SBF1: variants seen among roughly 807,000 people sequenced by gnomAD.
The protein encoded by SBF1 is myotubularin-related protein 5.
In SBF1, 65 loss-of-function variants were observed where a neutral mutation model predicts 215.8. The observed-to-expected ratio is 0.30, with a 90% CI of 0.25 to 0.37. The LOEUF (loss-of-function observed/expected upper bound fraction) is 0.37. Among genes scored for constraint, SBF1 ranks in the 10% least tolerant of loss-of-function variants. The pLI is 1.00. For missense variants in SBF1, 2,634 were observed against 2,667.8 expected, an observed-to-expected ratio of 0.99 and a Z score of 0.28; for synonymous variants, 1,410 against 1,122.8, an observed-to-expected ratio of 1.26 and a Z score of -5.11.
chr22:50,456,465 A>ACCCCCCCCCCC, intron 30 of SBF1, 27 bp downstream of exon 30: 3 of 748,636 alleles, frequency 4.0e-6, no homozygotes, highest in Non-Finnish European at 5.5e-6. Flanking sequence ...CCCCACCCTC[A>ACCCCCCCCCCC]CCCCCCACCC....
chr22:50,463,883 G>A (rs1603433370), intron 15 of SBF1, among the ~76,000 whole-genome samples: 1 of 152,218 alleles, frequency 6.6e-6, no homozygotes, highest in Admixed American at 6.5e-5. Context: ...TGGCCATGAT[G>A]AAAGACCCCA....
chr22:50,455,943 T>C lies in SBF1; in HGVS notation c.4266+273A>G, dbSNP rs8140014. On this transcript the variant is annotated intron_variant, in intron 31 of 40. Transcript: ENST00000380817. ...CAGGGGCCCAGAACCATAAACTGCA[T>C]CCCCCGTGTGGTCATCAGCCCACGT... The C allele has an allele frequency of 8.1e-3, 4,431 of 548,010 alleles. 59 individuals carry two copies. The highest frequency in any genetic ancestry group is 0.025 in the African/African-American group (1,278 of 51,596). The allele number at this position is 548,010 out of a possible 1,614,324, so 33.9% of individuals were successfully genotyped here.
chr22:50,455,633 T>G (rs746004469), intron 31 of SBF1, 51 bp from the exon 32 acceptor site: 1 of 1,476,078 alleles, frequency 6.8e-7, no homozygotes, highest in South Asian at 1.2e-5. Context: ...CCCTCCCGCC[T>G]GGCCACTCAC....
chr22:50,456,860 G>C (rs2067273706), intron 29 of SBF1, among the ~76,000 whole-genome samples, 174 bp downstream of exon 29: 1 of 152,170 alleles, frequency 6.6e-6, no homozygotes. Context: ...GGCAGCCAGT[G>C]TTAGTTTCTA....
chr22:50,464,631 C>A lies in SBF1; in HGVS notation c.1539G>T (p.Val513=). ...CTGCAGCCTGGTCCACGATCCACTGCACGGTGCCCTCATCCAGCCGGGGGA... is the reference window on the plus strand; with the variant it reads ...CTGCAGCCTGGTCCACGATCCACTGAACGGTGCCCTCATCCAGCCGGGGGA... ...RPFPRLDEGT[V]QWIVDQAAAK... The change falls in exon 14 of 41, where the codon GTG becomes GTT. Residue 513 remains valine (V), a synonymous_variant. Transcript: ENST00000380817. The A allele has an allele frequency of 6.2e-7, 1 of 1,610,578 alleles. No individual in the cohort carries two copies.
At chr22:50,457,136 T>C in intron 28 of SBF1, 25 bp from the exon 29 acceptor site, 2 of 1,456,154 alleles carry the variant, frequency 1.4e-6, no homozygotes, top group Non-Finnish European at 1.8e-6. Flanking sequence ...GAGAGAAGGC[T>C]CAGGCCTAGC....
In SBF1 at chr22:50,460,169, C is replaced by CCGGGCACA; in HGVS notation, c.3284-18_3284-11dup. Reference sequence around the variant, plus strand: ...TCCAGCTCCTCCGACACTGCACAGGCCGGGCACACGTGGTCATCACGGGGC... The same window carrying CCGGGCACA: ...TCCAGCTCCTCCGACACTGCACAGGCCGGGCACACGGGCACACGTGGTCATCACGGGGC... On this transcript the variant is annotated splice_polypyrimidine_tract_variant and intron_variant, in intron 25 of 40. Coordinates refer to ENST00000380817, the MANE Select transcript of SBF1 (RefSeq NM_002972.4). The CCGGGCACA allele has an allele frequency of 1.2e-6, 2 of 1,610,134 alleles. No individual in the cohort carries two copies. Among genetic ancestry groups the CCGGGCACA allele is most frequent in the Non-Finnish European group, 1.7e-6 (2 of 1,179,704 alleles).
chr22:50,465,317 C>A lies in SBF1; in HGVS notation c.1101G>T (p.Leu367=). ...TSSLKMQDKE[L]RAVFLRLFAQ... ...CGAACAGCCGCAGGAAGACCGCGCG[C>A]AGCTCCTTGTCCTGGGAGAAGAGCT... is the stretch of plus-strand genomic sequence containing the variant. The change falls in exon 11 of 41, where the codon CTG becomes CTT. Residue 367 remains leucine (L), a synonymous_variant. Coordinates refer to ENST00000380817, the MANE Select transcript of SBF1 (RefSeq NM_002972.4). 6.3e-7 allele frequency: 1 copy of A among 1,591,502 alleles called. No homozygotes were observed.
intron 5 of SBF1, chr22:50,466,996 G>C: frequency 1.8e-6 from 1 of 559,592 alleles, no homozygotes; most frequent in South Asian, 2.3e-5. Context: ...CCTCAACAGA[G>C]TCCAGCTGCA....
At chr22:50,459,432 T>C (rs773859885) in intron 27 of SBF1, 38 bp downstream of exon 27, 5 of 1,611,600 alleles carry the variant, frequency 3.1e-6, no homozygotes, top group East Asian at 4.5e-5. Flanking sequence ...GAGGGTGAGA[T>C]AGGGCAGGGC....
Position 50,466,202 on chromosome 22 carries a change from G to A in SBF1, c.845C>T (p.Thr282Met). The change falls in exon 8 of 41, where the codon ACG (threonine) becomes ATG (methionine). Residue 282 changes from threonine (T) to methionine (M), a missense_variant. By Grantham distance (81) the Thr-to-Met change is moderately conservative. Coordinates refer to ENST00000380817, the MANE Select transcript of SBF1 (RefSeq NM_002972.4). ...CGCGTTGACCCCAATGATGAAGGGCGTGGGTGTGCTGAGGACCTCCAGCAG... is the reference window on the plus strand; with the variant it reads ...CGCGTTGACCCCAATGATGAAGGGCATGGGTGTGCTGAGGACCTCCAGCAG... ...AQLLEVLSTP[T>M]PFIIGVNAAF... 6.2e-7 allele frequency: 1 copy of A among 1,613,478 alleles called. No homozygotes were observed. Among genetic ancestry groups the A allele is most frequent in the Non-Finnish European group, 8.5e-7 (1 of 1,180,046 alleles).
rs1290054221 is a variant in SBF1 at position 50,462,264 on chromosome 22, A to C, written c.2337T>G (p.Leu779=). The change falls in exon 19 of 41, where the codon CTT becomes CTG. Residue 779 remains leucine (L), a synonymous_variant. Transcript: ENST00000380817. Reference sequence around the variant, plus strand: ...GGTCGCCCAGCCCGGCACGCTCCCGAAGTAGGCGGCTCTTGCTGCTGTCCA... The same window carrying C: ...GGTCGCCCAGCCCGGCACGCTCCCGCAGTAGGCGGCTCTTGCTGCTGTCCA... ...LPLDSSKSRL[L]RERAGLGDLE... 2 of 1,611,446 alleles carry C rather than the reference A, an allele frequency of 1.2e-6. No homozygotes were observed. Among genetic ancestry groups the C allele is most frequent in the South Asian group, 1.1e-5 (1 of 91,082 alleles).
At chr22:50,449,592 G>A (rs2066963549) in intron 36 of SBF1, among the ~76,000 whole-genome samples, 1 of 150,950 alleles carries the variant, frequency 6.6e-6, no homozygotes, top group South Asian at 2.1e-4. Context: ...TCCAGCCTGG[G>A]CGGCAAAGTG....
At chr22:50,461,070 G>A in intron 23 of SBF1, 89 bp downstream of exon 23, 1 of 1,478,866 alleles carries the variant, frequency 6.8e-7, no homozygotes, top group Non-Finnish European at 9.0e-7. Context: ...CTGGAGACTG[G>A]CCTAAAAATG....
At chr22:50,456,012 C>T (rs557052794) in intron 31 of SBF1, 112 of 609,356 alleles carry the variant, frequency 1.8e-4, no homozygotes, top group Non-Finnish European at 2.9e-4. Context: ...CAAGCCCTGG[C>T]CACTCTCACT....
At position 50,474,966 on chromosome 22, in the gene SBF1, G is replaced by T; in HGVS notation, c.-126C>A. ...ACCCCGGACACCCCTGGTTCGCTCC[G>T]CGGCGGCGGCGGCGGCGGCGGCGGC... On this transcript the variant is annotated 5_prime_UTR_variant, in exon 1 of 41. Transcript: ENST00000380817. 5.4e-5 allele frequency: 1 copy of T among 18,682 alleles called. No individual in the cohort carries two copies. Among genetic ancestry groups the T allele is most frequent in the Non-Finnish European group, 7.9e-5 (1 of 12,608 alleles). The allele number at this position is 18,682 out of a possible 1,614,324, so 1.2% of individuals were successfully genotyped here. A position where few individuals can be genotyped will look rare whatever the true frequency, so the allele number is the denominator to read the frequency against.
chr22:50,469,680 G>A (rs528493604), intron 1 of SBF1, among the ~76,000 whole-genome samples: 9 of 152,330 alleles, frequency 5.9e-5, no homozygotes, highest in East Asian at 3.9e-4. Flanking sequence ...CCCACCTGGC[G>A]GAAGCAGCAG....
intron 23 of SBF1, 134 bp from the exon 24 acceptor site, chr22:50,460,846 C>T: frequency 2.0e-6 from 2 of 1,024,670 alleles, no homozygotes; most frequent in South Asian, 1.6e-5. Flanking sequence ...AGGCCTGTAT[C>T]TGTGTCACAC....
chr22:50,450,494 C>T (rs7284639), intron 36 of SBF1, among the ~76,000 whole-genome samples: 8,204 of 151,066 alleles, frequency 0.054, 737 homozygotes, highest in African/African-American at 0.19. Context: ...GCACTCCAGC[C>T]TGGGAGACAA....
Sources: gnomAD v4.1 joint callset for allele counts (sites outside exome capture counted in the v4.1 genomes callset) on GRCh38, gnomAD v4.1.1 for gene constraint, MANE v1.5 for transcripts, NCBI Gene and HGNC (gene_info 2026-07-23, HGNC 2026-07-21) for gene names.